WDPCP: variants seen among roughly 807,000 people sequenced by gnomAD.
The protein encoded by WDPCP is WD repeat containing planar cell polarity effector.
Under a neutral mutation model 93.1 loss-of-function variants are expected in WDPCP, and 71 were observed. That is an observed-to-expected ratio of 0.76 (90% CI 0.63 to 0.93). WDPCP has a LOEUF of 0.93. Ranked by LOEUF, WDPCP falls within the 40% of genes least tolerant of loss-of-function variation. The pLI, the probability that WDPCP is intolerant of heterozygous loss-of-function variation, is 0.00. For synonymous variants in WDPCP, 315 were observed against 315.0 expected, an observed-to-expected ratio of 1.00 and a Z score of 0.00; for missense variants, 844 against 887.4, an observed-to-expected ratio of 0.95 and a Z score of 0.62.
the WDPCP span, among the ~76,000 whole-genome samples, chr2:63,839,341 C>G: frequency 6.6e-6 from 1 of 152,194 alleles, no homozygotes. Context: ...AGGCGGATCA[C>G]AAGGTCAGGG....
At chr2:63,671,009 AG>A (rs1186259572) in intron 2 of WDPCP, among the ~76,000 whole-genome samples, 6 of 152,192 alleles carry the variant, frequency 3.9e-5, no homozygotes, top group Admixed American at 3.9e-4. Flanking sequence ...GGAATGAAAG[AG>A]GGGAATCCCA....
intron 14 of WDPCP, among the ~76,000 whole-genome samples, chr2:63,191,935 A>T (rs753336128): frequency 8.5e-5 from 13 of 152,186 alleles, no homozygotes; most frequent in Non-Finnish European, 1.9e-4. Context: ...CTTTTGTACT[A>T]TAGTGTCGGA....
At chr2:63,760,863 A>G (rs1670046682) in intron 2 of WDPCP, among the ~76,000 whole-genome samples, 1 of 152,178 alleles carries the variant, frequency 6.6e-6, no homozygotes, top group Admixed American at 6.5e-5. Flanking sequence ...TGCCCACCAC[A>G]GGAATCTCCA....
chr2:63,171,825 G>A (rs558004589), intron 15 of WDPCP, among the ~76,000 whole-genome samples: 5 of 152,236 alleles, frequency 3.3e-5, no homozygotes, highest in African/African-American at 1.2e-4. Flanking sequence ...GCAAAATGTG[G>A]CACATCCATG....
intron 14 of WDPCP, among the ~76,000 whole-genome samples, chr2:63,198,141 A>G (rs902620513): frequency 1.3e-5 from 2 of 152,182 alleles, no homozygotes; most frequent in Non-Finnish European, 2.9e-5. Flanking sequence ...AGTGAATCCA[A>G]TTTTATCATT....
chr2:63,127,478 A>G (rs1669994600), intron 17 of WDPCP, among the ~76,000 whole-genome samples: 1 of 151,922 alleles, frequency 6.6e-6, no homozygotes, highest in Admixed American at 6.6e-5. Context: ...TAGTTTATCA[A>G]TTACTCCATC....
chr2:63,329,202 C>T (rs1448676688), intron 12 of WDPCP, among the ~76,000 whole-genome samples: 1 of 152,166 alleles, frequency 6.6e-6, no homozygotes, highest in African/African-American at 2.4e-5. Flanking sequence ...TGTTCCCCCT[C>T]CCACTGGCCC....
intron 2 of WDPCP, among the ~76,000 whole-genome samples, chr2:63,709,753 A>G (rs899656114): frequency 2.2e-4 from 33 of 152,168 alleles, no homozygotes; most frequent in Non-Finnish European, 4.7e-4. Context: ...TGCTTCTAGA[A>G]TAATGTATGC....
intron 2 of WDPCP, among the ~76,000 whole-genome samples, chr2:63,768,885 G>A (rs1670184656): frequency 6.6e-6 from 1 of 151,964 alleles, no homozygotes; most frequent in Admixed American, 6.6e-5. Flanking sequence ...AGTCAATGAT[G>A]TCCTCAGAAA....
At chr2:63,356,223 C>T (rs1463112610) in intron 12 of WDPCP, among the ~76,000 whole-genome samples, 1 of 152,122 alleles carries the variant, frequency 6.6e-6, no homozygotes, top group African/African-American at 2.4e-5. Context: ...CACAAGAAGA[C>T]CTAACTATCC....
intron 1 of WDPCP, among the ~76,000 whole-genome samples, chr2:63,560,756 C>G (rs1706543710): frequency 6.6e-6 from 1 of 152,186 alleles, no homozygotes; most frequent in East Asian, 1.9e-4. Context: ...ACTGCATGTT[C>G]TCACTCATAG....
At chr2:63,713,697 G>A (rs1669293504) in intron 2 of WDPCP, among the ~76,000 whole-genome samples, 1 of 152,258 alleles carries the variant, frequency 6.6e-6, no homozygotes, top group African/African-American at 2.4e-5. Flanking sequence ...AAGAAGAAAG[G>A]GGCACAAACC....
chr2:63,549,228 C>T (rs1038607167), intron 1 of WDPCP, among the ~76,000 whole-genome samples: 1 of 101,790 alleles, frequency 9.8e-6, no homozygotes, highest in Non-Finnish European at 1.8e-5. Context: ...TCAACCTGGG[C>T]AATAGAGTGA....
At chr2:63,531,732 G>A (rs1703868075) in intron 1 of WDPCP, among the ~76,000 whole-genome samples, 1 of 152,180 alleles carries the variant, frequency 6.6e-6, no homozygotes, top group African/African-American at 2.4e-5. Context: ...ACCAAAGGTA[G>A]ATAAAACCAC....
At chr2:63,522,896 G>A (rs1191515882) in intron 1 of WDPCP, among the ~76,000 whole-genome samples, 2 of 152,150 alleles carry the variant, frequency 1.3e-5, no homozygotes, top group Admixed American at 6.5e-5. Context: ...AGAAGGGCTA[G>A]TACCATTCCT....
At chr2:63,361,862 C>A (rs1174276852) in intron 12 of WDPCP, among the ~76,000 whole-genome samples, 2 of 152,152 alleles carry the variant, frequency 1.3e-5, no homozygotes, top group Non-Finnish European at 2.9e-5. Flanking sequence ...CACGGTATCT[C>A]AGGGCATAGA....
At chr2:63,570,534 G>A (rs939636390) in intron 1 of WDPCP, among the ~76,000 whole-genome samples, 3 of 152,188 alleles carry the variant, frequency 2.0e-5, no homozygotes, top group Non-Finnish European at 2.9e-5. Context: ...AAAGCCAAGG[G>A]ATGATGAACT....
chr2:63,676,723 G>A (rs1295948566), intron 2 of WDPCP, among the ~76,000 whole-genome samples: 1 of 152,144 alleles, frequency 6.6e-6, no homozygotes, highest in Non-Finnish European at 1.5e-5. Context: ...TGACGGTATA[G>A]TTGAGTATCT....
chr2:63,423,925 G>T (rs1696055600), intron 9 of WDPCP, among the ~76,000 whole-genome samples: 1 of 151,982 alleles, frequency 6.6e-6, no homozygotes, highest in Admixed American at 6.6e-5. Context: ...AGTAAGCCAA[G>T]GTACTTGGAA....
Sources: gnomAD v4.1 joint callset for allele counts (sites outside exome capture counted in the v4.1 genomes callset) on GRCh38, gnomAD v4.1.1 for gene constraint, MANE v1.5 for transcripts, NCBI Gene and HGNC (gene_info 2026-07-23, HGNC 2026-07-21) for gene names.